The following TMEM178B variants were observed in gnomAD, a reference collection of about 807,000 sequenced individuals.
The protein encoded by TMEM178B is transmembrane protein 178B.
A neutral mutation model predicts 31.0 loss-of-function variants in TMEM178B; 5 were observed. That is an observed-to-expected ratio of 0.16 (90% CI 0.08 to 0.34). The LOEUF is 0.34. TMEM178B is among the 10% of genes least tolerant of loss of function. The probability of loss-of-function intolerance (pLI) is 1.00; values close to 1 mark genes in which losing one functional copy is unlikely to be tolerated. For missense variants in TMEM178B, 275 were observed against 400.3 expected (o/e 0.69, Z 2.67); for synonymous variants, 164 against 164.0 (o/e 1.00, Z 0.00).
intron 2 of TMEM178B, among the ~76,000 whole-genome samples, chr7:141,332,496 C>CT (rs1182839776): frequency 6.6e-6 from 1 of 152,114 alleles, no homozygotes; most frequent in Non-Finnish European, 1.5e-5. Context: ...TGAGCTTTTA[C>CT]TTTTTTTTCC....
rs997028647 is a variant in TMEM178B, at chr7:141,074,125, C to G, written c.-186C>G. On this transcript the variant is annotated 5_prime_UTR_variant, in exon 1 of 4. Coordinates refer to ENST00000565468, the MANE Select transcript of TMEM178B (RefSeq NM_001195278.2). This position sits in a 1 kb window ranked among gnomAD's most constrained non-coding sequence, Gnocchi z 5.1. ...CTCTCCGGATCAGAACTTTTTAGGC[C>G]GCCCGCCCCCATCCCCGCAGTCCCC... The G allele has an allele frequency of 3.6e-6, 3 of 841,112 alleles. No individual in the cohort carries two copies. The highest frequency in any genetic ancestry group is 5.0e-6 in the Non-Finnish European group (3 of 601,200). The allele number at this position is 841,112 out of a possible 1,614,324, so 52.1% of individuals were successfully genotyped here.
Position 141,477,655 on chromosome 7 carries a change from A to G in TMEM178B, c.*6869A>G, listed in dbSNP as rs1248751208. The G allele has an allele frequency of 6.6e-6, 1 of 152,074 alleles. No individual in the cohort carries two copies. Among genetic ancestry groups the G allele is most frequent in the Non-Finnish European group, 1.5e-5 (1 of 68,040 alleles). 9.4% of individuals were successfully genotyped at this position (152,074 alleles called of 1,614,324 possible). A position where few individuals can be genotyped will look rare whatever the true frequency, so the allele number is the denominator to read the frequency against. ...AGTCTCATTACCTCACCTTGTCTCC[A>G]CGTCTTCTCAGCCAAATGGGGATCA... On this transcript the variant is annotated 3_prime_UTR_variant, in exon 4 of 4. Transcript: ENST00000565468.
chr7:141,307,691 A>T (rs1288900052), intron 2 of TMEM178B, among the ~76,000 whole-genome samples: 1 of 152,262 alleles, frequency 6.6e-6, no homozygotes, highest in Non-Finnish European at 1.5e-5. Flanking sequence ...ATAAATAGGA[A>T]GTAAGAAAAC....
intron 1 of TMEM178B, among the ~76,000 whole-genome samples, chr7:141,128,198 C>A (rs1795537404): frequency 6.6e-6 from 1 of 152,196 alleles, no homozygotes; most frequent in Admixed American, 6.5e-5. Flanking sequence ...CAAACTGGGA[C>A]AACTGGTCAT....
chr7:141,336,991 T>C (rs1369982657), intron 2 of TMEM178B, among the ~76,000 whole-genome samples: 361 of 16,930 alleles, frequency 0.021, no homozygotes, highest in Middle Eastern at 0.071. Flanking sequence ...CCCCCATCAC[T>C]ACCATCATCA....
At chr7:141,111,616 C>A (rs948973323) in intron 1 of TMEM178B, among the ~76,000 whole-genome samples, 1 of 152,152 alleles carries the variant, frequency 6.6e-6, no homozygotes, top group East Asian at 1.9e-4. Context: ...CTTCTTGTCT[C>A]AGCTGTGAAG....
chr7:141,160,765 G>A (rs539072549), intron 1 of TMEM178B, among the ~76,000 whole-genome samples: 4 of 152,306 alleles, frequency 2.6e-5, no homozygotes, highest in Non-Finnish European at 5.9e-5. Context: ...GCTCAGTGAT[G>A]GGAACTGGTC....
intron 1 of TMEM178B, among the ~76,000 whole-genome samples, chr7:141,188,182 T>C (rs1311955888): frequency 2.0e-5 from 3 of 152,196 alleles, no homozygotes; most frequent in Non-Finnish European, 4.4e-5. Flanking sequence ...TTAGCTCCTG[T>C]GTTGTGTGTA....
chr7:141,436,332 G>A (rs1286114106), intron 2 of TMEM178B, among the ~76,000 whole-genome samples: 1 of 152,190 alleles, frequency 6.6e-6, no homozygotes, highest in African/African-American at 2.4e-5. Context: ...GGGTGTGGAT[G>A]TGGTTTGCTT....
chr7:141,437,046 C>T (rs904037211), intron 2 of TMEM178B, among the ~76,000 whole-genome samples: 2 of 152,112 alleles, frequency 1.3e-5, no homozygotes, highest in Non-Finnish European at 2.9e-5. Context: ...GAACACCAGA[C>T]CCCCCATGCT....
intron 2 of TMEM178B, among the ~76,000 whole-genome samples, chr7:141,314,795 C>G (rs1313160662): frequency 1.3e-5 from 2 of 152,188 alleles, no homozygotes; most frequent in Non-Finnish European, 2.9e-5. Flanking sequence ...ATTGCAGACT[C>G]TCCTCCCACT....
chr7:141,283,689 G>A (rs1184852502), intron 2 of TMEM178B, among the ~76,000 whole-genome samples: 1 of 152,184 alleles, frequency 6.6e-6, no homozygotes, highest in African/African-American at 2.4e-5. Context: ...CAGCACATAA[G>A]CTTTCTTACC....
chr7:141,105,665 G>A (rs1022583352), intron 1 of TMEM178B, among the ~76,000 whole-genome samples: 2 of 152,240 alleles, frequency 1.3e-5, no homozygotes, highest in Admixed American at 1.3e-4. Flanking sequence ...TGCTAAAGAT[G>A]TTAGGGGAAA....
chr7:141,091,885 G>A (rs1383854136), intron 1 of TMEM178B, among the ~76,000 whole-genome samples: 1 of 152,060 alleles, frequency 6.6e-6, no homozygotes, highest in Admixed American at 6.5e-5. Flanking sequence ...GTGCCACCAT[G>A]CCTGGCTAAT....
chr7:141,377,159 GTATTTATTTATTTATTTATT>G (rs199852618), intron 2 of TMEM178B, among the ~76,000 whole-genome samples: 1 of 145,172 alleles, frequency 6.9e-6, no homozygotes, highest in African/African-American at 2.5e-5. Flanking sequence ...GGCTACTTCT[GTATTTATTTATTTATTTATT>G]TATTTATTTA....
intron 2 of TMEM178B, among the ~76,000 whole-genome samples, chr7:141,276,258 A>G (rs1211574351): frequency 6.6e-6 from 1 of 152,156 alleles, no homozygotes; most frequent in African/African-American, 2.4e-5. Flanking sequence ...TCCTGTGGAA[A>G]CAAGCATGAG....
intron 1 of TMEM178B, among the ~76,000 whole-genome samples, chr7:141,096,756 C>A (rs1440209249): frequency 6.6e-6 from 1 of 152,018 alleles, no homozygotes; most frequent in South Asian, 2.1e-4. Flanking sequence ...TTAATCAAAC[C>A]CAAAAGGGGA....
the TMEM178B span, among the ~76,000 whole-genome samples, chr7:141,496,354 A>T: frequency 6.6e-6 from 1 of 152,130 alleles, no homozygotes; most frequent in Admixed American, 6.5e-5. Context: ...TCTCCTTGGC[A>T]TGTCTTTCTT....
intron 2 of TMEM178B, among the ~76,000 whole-genome samples, chr7:141,290,071 C>T (rs1240794557): frequency 6.6e-6 from 1 of 152,222 alleles, no homozygotes; most frequent in African/African-American, 2.4e-5. Context: ...CTCTGCCTGT[C>T]TGCATTTGTC....
Sources: gnomAD v4.1 joint callset for allele counts (sites outside exome capture counted in the v4.1 genomes callset) on GRCh38, gnomAD v4.1.1 for gene constraint, Gnocchi (gnomAD v3.1) non-coding constraint, MANE v1.5 for transcripts, NCBI Gene and HGNC (gene_info 2026-07-23, HGNC 2026-07-21) for gene names.